VAMP7: variants seen among roughly 807,000 people sequenced by gnomAD.
VAMP7 encodes the protein vesicle associated membrane protein 7, also known as vesicle-associated membrane protein 7.
Under a neutral mutation model 29.6 loss-of-function variants are expected in VAMP7, and 14 were observed. The ratio of observed to expected loss-of-function variants is 0.47; its 90% confidence interval spans 0.31 to 0.74. The LOEUF (loss-of-function observed/expected upper bound fraction) is 0.74. Ranked by LOEUF, VAMP7 falls within the 30% of genes least tolerant of loss-of-function variation. The pLI is 0.05. For missense variants in VAMP7, 223 were observed against 262.4 expected, an observed-to-expected ratio of 0.85 and a Z score of 1.04; for synonymous variants, 95 against 88.1, an observed-to-expected ratio of 1.08 and a Z score of -0.44.
At chrX:155,926,476 TC>T (rs1183307084) in intron 6 of VAMP7, among the ~76,000 whole-genome samples, 1 of 152,214 alleles carries the variant, frequency 6.6e-6, no homozygotes, top group East Asian at 1.9e-4. Flanking sequence ...TGCACCTTCC[TC>T]GCCTCTCTCA....
chrX:155,927,140 T>C (rs1031415059), intron 6 of VAMP7, among the ~76,000 whole-genome samples: 1 of 152,008 alleles, frequency 6.6e-6, no homozygotes, highest in African/African-American at 2.4e-5. Context: ...TGCTGCCGCA[T>C]GTTCTCACTC....
chrX:155,937,596 A>C, intron 6 of VAMP7, among the ~76,000 whole-genome samples: 1 of 152,234 alleles, frequency 6.6e-6, no homozygotes, highest in East Asian at 1.9e-4. Context: ...GAGTAGAAAC[A>C]AAAGCTTGGA....
rs1362046910 is a variant in VAMP7, at chrX:155,941,739, T to G, written c.595-144T>G. The G allele has an allele frequency of 6.0e-6, 6 of 1,006,520 alleles. No individual in the cohort carries two copies. The Admixed American group carries it at 1.8e-4, about 30-fold the overall frequency. 62.3% of individuals were successfully genotyped at this position (1,006,520 alleles called of 1,614,324 possible). ...ACTACACTTCTGTCTTGGAAAATAC[T>G]TGTTTAGTGTGTTCCATTACTACAT... is the stretch of plus-strand genomic sequence containing the variant. On this transcript the variant is annotated intron_variant, in intron 7 of 7. Coordinates refer to ENST00000286448, the MANE Select transcript of VAMP7 (RefSeq NM_005638.6).
chrX:155,905,087 A>G (rs891803803), intron 5 of VAMP7, among the ~76,000 whole-genome samples: 77 of 151,650 alleles, frequency 5.1e-4, no homozygotes, highest in Non-Finnish European at 1.0e-3. Flanking sequence ...CCTTGCCAAA[A>G]CTTATCTTTT....
intron 6 of VAMP7, among the ~76,000 whole-genome samples, chrX:155,927,941 CAG>C (rs1327962943): frequency 2.0e-5 from 3 of 151,786 alleles, no homozygotes; most frequent in Admixed American, 1.3e-4. Context: ...TTTTTTAAGA[CAG>C]AGTCTCTCTC....
chrX:155,894,615 T>G (rs1341884146), intron 2 of VAMP7, among the ~76,000 whole-genome samples: 4 of 152,022 alleles, frequency 2.6e-5, no homozygotes, highest in Non-Finnish European at 4.4e-5. Context: ...CTCACTTTTT[T>G]TTGTTGTTGT....
rs371319435 is a variant in VAMP7, at chrX:155,898,077, T to A, written c.205-35T>A. The A allele has an allele frequency of 3.2e-5, 51 of 1,602,264 alleles. No individual in the cohort carries two copies. In the African/African-American group the frequency reaches 6.5e-4, roughly 20 times the overall value. On this transcript the variant is annotated intron_variant, in intron 3 of 7. Coordinates refer to ENST00000286448, the MANE Select transcript of VAMP7 (RefSeq NM_005638.6). ...ATCACTCACATCATCTTTGTTTACT[T>A]TCTAAATGTGAGTTCTGTGTTGATC...
chrX:155,936,960 A>G (rs1367141018), intron 6 of VAMP7, among the ~76,000 whole-genome samples: 1 of 152,198 alleles, frequency 6.6e-6, no homozygotes, highest in Non-Finnish European at 1.5e-5. Context: ...AAAGAAATTC[A>G]AGAAGACACA....
intron 6 of VAMP7, among the ~76,000 whole-genome samples, chrX:155,936,785 G>A (rs1304053183): frequency 6.6e-6 from 1 of 152,146 alleles, no homozygotes; most frequent in Non-Finnish European, 1.5e-5. Flanking sequence ...CTCACGCTGG[G>A]GGCTGTAGAC....
At chrX:155,890,915 G>A (rs1221348478) in intron 2 of VAMP7, among the ~76,000 whole-genome samples, 1 of 152,172 alleles carries the variant, frequency 6.6e-6, no homozygotes, top group Non-Finnish European at 1.5e-5. Flanking sequence ...CCAAGATACA[G>A]TATTAATTTT....
At chrX:155,941,189 G>T (rs1352771577) in intron 7 of VAMP7, among the ~76,000 whole-genome samples, 1 of 152,002 alleles carries the variant, frequency 6.6e-6, no homozygotes, top group Non-Finnish European at 1.5e-5. Context: ...AGTGACTAAT[G>T]CAGTGAACCT....
In VAMP7 at chrX:155,888,907, A is replaced by C. The variant is rs527848134; in HGVS notation, c.-9-551A>C. ...TCTCATCTATAATAGAAGTATCATA[A>C]TAGTGTATAATCTCATTGAGTTGTG... is the stretch of plus-strand genomic sequence containing the variant. On this transcript the variant is annotated intron_variant, in intron 1 of 7. Transcript: ENST00000286448. 1.1e-4 allele frequency among the ~76,000 whole-genome samples: 16 copies of C among 152,328 alleles called. 1 individual carries two copies. The East Asian group carries it at 3.1e-3, about 29-fold the overall frequency.
At chrX:155,941,859 A>G (rs1290512117) in intron 7 of VAMP7, 24 bp from the exon 8 acceptor site, 3 of 1,608,458 alleles carry the variant, frequency 1.9e-6, no homozygotes, top group African/African-American at 1.3e-5. Context: ...CAAGAAAATA[A>G]AATTGCTCTC....
In VAMP7 at chrX:155,942,247, A is replaced by G. The variant is rs2066756616; in HGVS notation, c.*296A>G. 2 of 1,408,086 alleles carry G rather than the reference A, an allele frequency of 1.4e-6. No homozygotes were observed. The highest frequency in any genetic ancestry group is 1.5e-5 in the African/African-American group (1 of 68,782). The allele number at this position is 1,408,086 out of a possible 1,614,324, so 87.2% of individuals were successfully genotyped here. ...ATTTAGAGAAACATTTTTGTTTTTA[A>G]TTGCTCAAAGCTGTCGCCGCTAGTC... On this transcript the variant is annotated 3_prime_UTR_variant, in exon 8 of 8. Coordinates refer to ENST00000286448, the MANE Select transcript of VAMP7 (RefSeq NM_005638.6).
chrX:155,937,306 A>G (rs1282786707), intron 6 of VAMP7, among the ~76,000 whole-genome samples: 1 of 152,178 alleles, frequency 6.6e-6, no homozygotes. Context: ...ATGAACTTAC[A>G]GTTGTAAGAT....
intron 6 of VAMP7, among the ~76,000 whole-genome samples, chrX:155,934,343 T>C (rs1420469152): frequency 1.3e-5 from 2 of 152,148 alleles, no homozygotes; most frequent in Admixed American, 1.3e-4. Context: ...CTAAGTCTCT[T>C]TGTAGGTCTC....
chrX:155,910,309 G>T (rs537350102), intron 5 of VAMP7, among the ~76,000 whole-genome samples: 1 of 152,140 alleles, frequency 6.6e-6, no homozygotes, highest in Non-Finnish European at 1.5e-5. Flanking sequence ...TGGTCAAATA[G>T]TATTCCATTG....
intron 6 of VAMP7, among the ~76,000 whole-genome samples, chrX:155,932,139 C>T (rs1044440644): frequency 6.6e-5 from 10 of 152,110 alleles, no homozygotes; most frequent in African/African-American, 2.4e-4. Flanking sequence ...AGTCAGGTAG[C>T]ATGATGCCTA....
chrX:155,895,033 C>T (rs1431837405), intron 2 of VAMP7, among the ~76,000 whole-genome samples: 1 of 152,092 alleles, frequency 6.6e-6, no homozygotes, highest in Non-Finnish European at 1.5e-5. Flanking sequence ...CATTTCGTGC[C>T]TCATCTATTA....
Sources: gnomAD v4.1 joint callset for allele counts (sites outside exome capture counted in the v4.1 genomes callset) on GRCh38, gnomAD v4.1.1 for gene constraint, MANE v1.5 for transcripts, NCBI Gene and HGNC (gene_info 2026-07-23, HGNC 2026-07-21) for gene names.